Variants in WAC observed in about 807,000 individuals in gnomAD.
WAC encodes the protein WW domain containing adaptor with coiled-coil, also known as WW domain-containing adapter protein with coiled-coil.
WAC carries 11 observed loss-of-function variants against 79.6 expected under a neutral mutation model. That is an observed-to-expected ratio of 0.14 (90% CI 0.09 to 0.23). WAC has a LOEUF of 0.23. Ranked by LOEUF, WAC falls within the 10% of genes least tolerant of loss-of-function variation. The pLI, the probability that WAC is intolerant of heterozygous loss-of-function variation, is 1.00. For missense variants in WAC, 728 were observed against 773.5 expected, an observed-to-expected ratio of 0.94 and a Z score of 0.70; for synonymous variants, 304 against 276.9, an observed-to-expected ratio of 1.10 and a Z score of -0.97.
chr10:28,595,627 A>G lies in WAC; in HGVS notation c.611-106A>G. On this transcript the variant is annotated intron_variant, in intron 6 of 13. Coordinates refer to ENST00000354911, the MANE Select transcript of WAC (RefSeq NM_016628.5). The stretch of plus-strand genomic sequence containing the variant: ...TTTTATAAAAGAATATGTAAGTACA[A>G]GTATGTTGCTAAATTAGCTGATGTT... 19 of 1,101,324 alleles carry G rather than the reference A, an allele frequency of 1.7e-5. 1 individual carries two copies. The South Asian group carries it at 3.0e-4, about 17-fold the overall frequency. 68.2% of individuals were successfully genotyped at this position (1,101,324 alleles called of 1,614,324 possible).
At chr10:28,613,669 G>T (rs1338967521) in intron 10 of WAC, among the ~76,000 whole-genome samples, 1 of 152,170 alleles carries the variant, frequency 6.6e-6, no homozygotes, top group African/African-American at 2.4e-5. Context: ...CAGAAGTTAA[G>T]CAGGACATTC....
At chr10:28,580,907 A>C (rs1297279225) in intron 3 of WAC, among the ~76,000 whole-genome samples, 1 of 152,298 alleles carries the variant, frequency 6.6e-6, no homozygotes, top group South Asian at 2.1e-4. Flanking sequence ...CATTATCATG[A>C]CTGTGACTTA....
chr10:28,562,437 ATGAT>A (rs967918458), intron 3 of WAC, among the ~76,000 whole-genome samples: 3 of 152,170 alleles, frequency 2.0e-5, no homozygotes, highest in African/African-American at 4.8e-5. Context: ...TGCAAATATA[ATGAT>A]TGATCATTTT....
intron 3 of WAC, among the ~76,000 whole-genome samples, chr10:28,562,030 C>T (rs1056827570): frequency 6.6e-6 from 1 of 152,204 alleles, no homozygotes; most frequent in Admixed American, 6.5e-5. Context: ...TGATATGCTA[C>T]AGACAGCTGA....
chr10:28,592,164 T>G (rs2132685598), intron 6 of WAC, among the ~76,000 whole-genome samples: 1 of 152,340 alleles, frequency 6.6e-6, no homozygotes, highest in East Asian at 1.9e-4. Context: ...CATTGAATTT[T>G]GAGATGGAAG....
At chr10:28,539,464 A>C (rs1355367442) in intron 3 of WAC, among the ~76,000 whole-genome samples, 1 of 152,206 alleles carries the variant, frequency 6.6e-6, no homozygotes, top group Non-Finnish European at 1.5e-5. Context: ...TTTTTTTGTG[A>C]AATGAGTTAT....
At chr10:28,534,115 G>A (rs1836473254) in intron 2 of WAC, 81 bp downstream of exon 2, 2 of 1,401,280 alleles carry the variant, frequency 1.4e-6, no homozygotes, top group African/African-American at 1.5e-5. Flanking sequence ...GCAGGCCTCA[G>A]AAGTCGATAC....
chr10:28,600,527 C>T (rs1840589283), intron 7 of WAC, among the ~76,000 whole-genome samples: 1 of 151,950 alleles, frequency 6.6e-6, no homozygotes, highest in African/African-American at 2.4e-5. Context: ...CATAGTTATT[C>T]AAATATTTAT....
chr10:28,560,648 A>G (rs1486515565), intron 3 of WAC, among the ~76,000 whole-genome samples: 1 of 152,048 alleles, frequency 6.6e-6, no homozygotes, highest in Non-Finnish European at 1.5e-5. Context: ...TTCCACCCAG[A>G]CTCTTAAAGA....
intron 3 of WAC, among the ~76,000 whole-genome samples, chr10:28,568,082 G>T (rs73609821): frequency 6.6e-6 from 1 of 152,172 alleles, no homozygotes; most frequent in Non-Finnish European, 1.5e-5. Context: ...TGTCAGAGAC[G>T]GTTTGTTGAG....
intron 6 of WAC, among the ~76,000 whole-genome samples, chr10:28,593,573 G>A (rs1840205699): frequency 6.6e-6 from 1 of 151,756 alleles, no homozygotes; most frequent in African/African-American, 2.4e-5. Context: ...TTTGAGACCA[G>A]CCCGGCCAAT....
At chr10:28,589,641 T>A (rs1411363081) in intron 4 of WAC, 95 bp from the exon 5 acceptor site, 1 of 731,790 alleles carries the variant, frequency 1.4e-6, no homozygotes, top group African/African-American at 1.8e-5. Flanking sequence ...CTTTATCTCA[T>A]AAGTGTTTTC....
intron 7 of WAC, among the ~76,000 whole-genome samples, chr10:28,598,112 A>G (rs531298900): frequency 2.1e-4 from 32 of 152,322 alleles, no homozygotes; most frequent in South Asian, 4.1e-4. Context: ...TACCCAGTCT[A>G]TCCGCTTAAC....
At position 28,608,344 on chromosome 10, in the gene WAC, C is replaced by A. The variant is rs1311112590; in HGVS notation, c.1078C>A (p.Pro360Thr). 1.2e-6 allele frequency: 2 copies of A among 1,614,110 alleles called. No individual in the cohort carries two copies. The highest frequency in any genetic ancestry group is 8.5e-7 in the Non-Finnish European group (1 of 1,180,016). Residue 360 changes from proline to threonine, a missense_variant, in exon 8 of 14, where the codon CCA becomes ACA. By Grantham distance (38) the Pro-to-Thr change is conservative. Around this residue, in one of 3 missense-constraint regions of WAC, gnomAD observed 648 missense variants for 661.5 expected, o/e 0.98. Coordinates refer to ENST00000354911, the MANE Select transcript of WAC (RefSeq NM_016628.5). ...GCCAATACCTCCCTTACTTCAGGAC[C>A]CAAATCTTCTTAGACAATTGCTTCC... is the stretch of plus-strand genomic sequence containing the variant. ...QSPIPPLLQD[P>T]NLLRQLLPAL...
intron 3 of WAC, among the ~76,000 whole-genome samples, chr10:28,556,678 A>C (rs536217317): frequency 2.6e-5 from 4 of 151,928 alleles, no homozygotes; most frequent in Non-Finnish European, 5.9e-5. Flanking sequence ...TTCTTGTGGG[A>C]GTTCTACAGT....
chr10:28,607,767 A>G (rs981966432), intron 7 of WAC, among the ~76,000 whole-genome samples: 1 of 152,114 alleles, frequency 6.6e-6, no homozygotes, highest in Non-Finnish European at 1.5e-5. Flanking sequence ...GGCCATAAAC[A>G]TTTTTCACCT....
At chr10:28,602,325 A>G (rs922100125) in intron 7 of WAC, among the ~76,000 whole-genome samples, 2 of 152,238 alleles carry the variant, frequency 1.3e-5, no homozygotes, top group African/African-American at 4.8e-5. Flanking sequence ...GTAAAACAGC[A>G]TATTTATATA....
In WAC at chr10:28,597,789, T is replaced by G. The variant is rs552956067; in HGVS notation, c.919+1748T>G. ...TTGACAGCACTGTTCTTCCTAACTT[T>G]GCCTTATTCTTAAACATTCTCACCC... On this transcript the variant is annotated intron_variant, in intron 7 of 13. Transcript: ENST00000354911. Among the ~76,000 whole-genome samples the G allele has an allele frequency of 3.9e-5, 6 of 152,328 alleles. 1 individual carries two copies. The South Asian group carries it at 1.2e-3, about 32-fold the overall frequency.
At chr10:28,581,322 AG>A (rs1839525297) in intron 3 of WAC, among the ~76,000 whole-genome samples, 1 of 132,168 alleles carries the variant, frequency 7.6e-6, no homozygotes, top group African/African-American at 2.9e-5. Flanking sequence ...CCTGGACTCA[AG>A]GGATTCCCCT....
Sources: allele counts gnomAD v4.1 joint callset (sites outside exome capture counted in the v4.1 genomes callset), GRCh38; gene constraint gnomAD v4.1.1; regional missense constraint gnomAD v4.1.1; transcripts MANE v1.5; gene names NCBI Gene and HGNC (gene_info 2026-07-23, HGNC 2026-07-21).